The following GDPD4 variants were observed in gnomAD, a reference collection of about 807,000 sequenced individuals.
The protein encoded by GDPD4 is glycerophosphodiester phosphodiesterase 6.
A neutral mutation model predicts 67.8 loss-of-function variants in GDPD4; 60 were observed. That is an observed-to-expected ratio of 0.88 (90% confidence interval 0.72 to 1.10). The LOEUF is 1.10. Ranked by LOEUF, GDPD4 falls within the 50% of genes least tolerant of loss-of-function variation. The pLI, the probability that GDPD4 is intolerant of heterozygous loss-of-function variation, is 0.00. For synonymous variants in GDPD4, 212 were observed against 210.9 expected (o/e 1.00, Z -0.04); for missense variants, 623 against 613.9 (o/e 1.01, Z -0.16).
chr11:77,219,248 ATTTG>A (rs1209053719), intron 16 of GDPD4, among the ~76,000 whole-genome samples: 10 of 151,748 alleles, frequency 6.6e-5, no homozygotes, highest in African/African-American at 1.9e-4. Context: ...GTTCTTGTAA[ATTTG>A]TTTAAGTTCT....
intron 11 of GDPD4, among the ~76,000 whole-genome samples, chr11:77,248,011 A>G (rs1343902410): frequency 7.5e-6 from 1 of 134,226 alleles, no homozygotes; most frequent in African/African-American, 2.7e-5. Flanking sequence ...AGATCGCACC[A>G]TTGTACTCCA....
rs1958722735 is a variant in GDPD4 at position 77,243,792 on chromosome 11, A to T, written c.1143T>A (p.Phe381Leu). 1 of 1,613,648 alleles carries T rather than the reference A, an allele frequency of 6.2e-7. No homozygotes were observed. Among genetic ancestry groups the T allele is most frequent in the African/African-American group, 1.3e-5 (1 of 74,914 alleles). Residue 381 changes from phenylalanine (F) to leucine (L), a missense_variant, in exon 13 of 17, where the codon TTT (phenylalanine) becomes TTA (leucine). By Grantham distance (22) the Phe-to-Leu change is conservative. Coordinates refer to ENST00000315938, the MANE Select transcript of GDPD4 (RefSeq NM_182833.3). ...TGGATACTAAACGGCCCACATGCTGAAAACCAGGAGCCACGGACCTGACGT... is the reference window on the plus strand; with the variant it reads ...TGGATACTAAACGGCCCACATGCTGTAAACCAGGAGCCACGGACCTGACGT... ...RQYVRSVAPG[F>L]QHVGRLVSIE...
intron 11 of GDPD4, among the ~76,000 whole-genome samples, chr11:77,249,829 T>G (rs145319769): frequency 6.6e-6 from 1 of 152,360 alleles, no homozygotes; most frequent in East Asian, 1.9e-4. Context: ...AACTTCACTC[T>G]TAACACTGCT....
At chr11:77,248,465 G>T (rs1392943979) in intron 11 of GDPD4, among the ~76,000 whole-genome samples, 12 of 152,006 alleles carry the variant, frequency 7.9e-5, no homozygotes, top group African/African-American at 1.2e-4. Context: ...CCTCCCAAGT[G>T]CTGGGATTGC....
intron 14 of GDPD4, 52 bp downstream of exon 14, chr11:77,232,973 C>G: frequency 6.3e-7 from 1 of 1,586,250 alleles, no homozygotes; most frequent in East Asian, 2.2e-5. Flanking sequence ...GCTGGGGGGC[C>G]TGCACTGCTA....
At chr11:77,287,787 C>T (rs781043850) in intron 1 of GDPD4, among the ~76,000 whole-genome samples, 8 of 152,252 alleles carry the variant, frequency 5.3e-5, no homozygotes, top group East Asian at 3.9e-4. Context: ...GTTAAAGGCA[C>T]GGGTGAGGTA....
intron 11 of GDPD4, among the ~76,000 whole-genome samples, chr11:77,257,898 C>A (rs1221159900): frequency 6.6e-6 from 1 of 152,146 alleles, no homozygotes; most frequent in Non-Finnish European, 1.5e-5. Context: ...TCGTTTTGCT[C>A]TTATCACAAT....
At chr11:77,268,643 T>C (rs2135870223) in intron 9 of GDPD4, 104 bp from the exon 10 acceptor site, 5 of 922,854 alleles carry the variant, frequency 5.4e-6, no homozygotes, top group South Asian at 1.4e-5. Context: ...GAGCAGAGCT[T>C]GGCTCCCTGA....
intron 11 of GDPD4, among the ~76,000 whole-genome samples, chr11:77,250,707 T>G (rs980802746): frequency 1.3e-5 from 2 of 152,204 alleles, no homozygotes; most frequent in African/African-American, 4.8e-5. Flanking sequence ...CAATCCAATG[T>G]TGATCTTTTG....
chr11:77,231,484 G>A (rs1414770707), intron 14 of GDPD4, among the ~76,000 whole-genome samples: 1 of 152,164 alleles, frequency 6.6e-6, no homozygotes, highest in Non-Finnish European at 1.5e-5. Flanking sequence ...TGAATAAAAT[G>A]ACACATGGCA....
At chr11:77,235,039 A>ATTTTTTTT (rs1958533645) in intron 13 of GDPD4, among the ~76,000 whole-genome samples, 1 of 20,292 alleles carries the variant, frequency 4.9e-5, no homozygotes, top group African/African-American at 1.6e-4. Flanking sequence ...TTTTTTTTTG[A>ATTTTTTTT]CTTTTTAGTA....
chr11:77,232,268 G>C (rs1292340700), intron 14 of GDPD4, among the ~76,000 whole-genome samples: 3 of 152,200 alleles, frequency 2.0e-5, no homozygotes, highest in Non-Finnish European at 4.4e-5. Flanking sequence ...TCATTCAGGG[G>C]CAGAGAAAGG....
At chr11:77,290,722 G>C (rs1464324770) in intron 1 of GDPD4, among the ~76,000 whole-genome samples, 1 of 152,032 alleles carries the variant, frequency 6.6e-6, no homozygotes, top group East Asian at 1.9e-4. Flanking sequence ...ACAAACCAAA[G>C]CCCTTCTATT....
At chr11:77,288,004 A>G (rs773771840) in intron 1 of GDPD4, among the ~76,000 whole-genome samples, 10 of 152,214 alleles carry the variant, frequency 6.6e-5, no homozygotes, top group Non-Finnish European at 1.0e-4. Flanking sequence ...AATATGTAGC[A>G]TGTGGCTTCA....
intron 1 of GDPD4, among the ~76,000 whole-genome samples, chr11:77,298,406 C>A (rs976133228): frequency 4.6e-5 from 7 of 151,976 alleles, no homozygotes; most frequent in African/African-American, 1.7e-4. Context: ...CAGCTACTTG[C>A]GAAGCTGAGG....
chr11:77,231,305 A>G (rs531144802), intron 14 of GDPD4, among the ~76,000 whole-genome samples: 15 of 152,282 alleles, frequency 9.9e-5, no homozygotes, highest in Middle Eastern at 6.8e-3. Flanking sequence ...ATTATCCCCA[A>G]TTTTCAAACA....
intron 13 of GDPD4, among the ~76,000 whole-genome samples, chr11:77,239,126 G>A (rs546971702): frequency 6.6e-5 from 10 of 152,184 alleles, no homozygotes; most frequent in Middle Eastern, 3.4e-3. Context: ...TAGAAAAAGC[G>A]TTTAACAAAA....
intron 5 of GDPD4, among the ~76,000 whole-genome samples, chr11:77,275,072 T>C (rs1959394670): frequency 6.6e-6 from 1 of 152,202 alleles, no homozygotes; most frequent in Non-Finnish European, 1.5e-5. Flanking sequence ...AGTTGAAATG[T>C]TCCTAACATG....
intron 1 of GDPD4, among the ~76,000 whole-genome samples, chr11:77,301,186 T>C (rs1186197993): frequency 6.6e-6 from 1 of 152,082 alleles, no homozygotes; most frequent in East Asian, 1.9e-4. Context: ...AAATCTCCAT[T>C]TGGATTTCTC....
Sources: gnomAD v4.1 joint callset for allele counts (sites outside exome capture counted in the v4.1 genomes callset) on GRCh38, gnomAD v4.1.1 for gene constraint, MANE v1.5 for transcripts, NCBI Gene and HGNC (gene_info 2026-07-23, HGNC 2026-07-21) for gene names.